Variants in CA10 observed in about 807,000 individuals in gnomAD.
The protein encoded by CA10 is carbonic anhydrase 10 (inactive).
Under a neutral mutation model 44.2 loss-of-function variants are expected in CA10, and 14 were observed. The ratio of observed to expected loss-of-function variants is 0.32; its 90% confidence interval spans 0.21 to 0.50. The LOEUF is 0.50. Ranked by LOEUF, CA10 falls within the 20% of genes least tolerant of loss-of-function variation. The pLI is 0.99. For missense variants in CA10, 350 were observed against 409.7 expected (o/e 0.85, Z 1.26); for synonymous variants, 159 against 141.6 (o/e 1.12, Z -0.87).
chr17:51,706,535 T>G (rs1915767460), intron 4 of CA10, among the ~76,000 whole-genome samples: 1 of 152,240 alleles, frequency 6.6e-6, no homozygotes, highest in South Asian at 2.1e-4. Context: ...TGTAGTGGCC[T>G]CCTAATAGGC....
intron 2 of CA10, among the ~76,000 whole-genome samples, chr17:52,043,289 C>T (rs1029700757): frequency 6.6e-6 from 1 of 151,998 alleles, no homozygotes; most frequent in African/African-American, 2.4e-5. Flanking sequence ...CTTTTATCTC[C>T]TTAGTTAAAT....
intron 4 of CA10, among the ~76,000 whole-genome samples, chr17:51,735,030 C>T (rs1916853067): frequency 6.6e-6 from 1 of 152,224 alleles, no homozygotes. Flanking sequence ...AAGAAAACAG[C>T]ATTAGAAGGG....
At chr17:52,040,179 T>C (rs1986730506) in intron 2 of CA10, among the ~76,000 whole-genome samples, 1 of 149,158 alleles carries the variant, frequency 6.7e-6, no homozygotes, top group African/African-American at 2.5e-5. Context: ...CTCAAGTCAC[T>C]TTCAAAATCA....
chr17:51,988,050 G>A (rs1984906924), intron 2 of CA10, among the ~76,000 whole-genome samples: 1 of 151,990 alleles, frequency 6.6e-6, no homozygotes, highest in Admixed American at 6.6e-5. Context: ...TTATGGGTGG[G>A]TGAAATGAAT....
At chr17:52,146,621 C>T (rs1358663956) in intron 1 of CA10, among the ~76,000 whole-genome samples, 3 of 151,010 alleles carry the variant, frequency 2.0e-5, no homozygotes, top group African/African-American at 4.9e-5. Context: ...ACCCAGGAGG[C>T]GGAGCTTGCA....
At chr17:51,954,247 C>T (rs1041202551) in intron 2 of CA10, among the ~76,000 whole-genome samples, 1 of 152,122 alleles carries the variant, frequency 6.6e-6, no homozygotes, top group African/African-American at 2.4e-5. Context: ...TTCCAATGCT[C>T]CCTCTCCTAA....
chr17:51,980,423 A>T (rs2144086221), intron 2 of CA10, among the ~76,000 whole-genome samples: 1 of 152,116 alleles, frequency 6.6e-6, no homozygotes, highest in Non-Finnish European at 1.5e-5. Flanking sequence ...TTGGGTATTA[A>T]ACCTTTGTCA....
intron 4 of CA10, among the ~76,000 whole-genome samples, chr17:51,727,520 G>T (rs897435286): frequency 5.9e-5 from 9 of 152,076 alleles, no homozygotes; most frequent in Non-Finnish European, 1.2e-4. Flanking sequence ...CACATACAGT[G>T]GCTCATGTGG....
intron 2 of CA10, among the ~76,000 whole-genome samples, chr17:51,988,274 G>A (rs187028059): frequency 6.6e-6 from 1 of 152,024 alleles, no homozygotes; most frequent in African/African-American, 2.4e-5. Flanking sequence ...CAAACTTTGA[G>A]AAACTTATTA....
intron 3 of CA10, among the ~76,000 whole-genome samples, chr17:51,856,129 C>G (rs1324076071): frequency 1.3e-5 from 2 of 152,174 alleles, no homozygotes; most frequent in African/African-American, 4.8e-5. Flanking sequence ...GACCTGTCCC[C>G]TGGACAATCC....
At chr17:51,690,150 G>A (rs1915141513) in intron 4 of CA10, among the ~76,000 whole-genome samples, 1 of 152,134 alleles carries the variant, frequency 6.6e-6, no homozygotes, top group South Asian at 2.1e-4. Flanking sequence ...GTTTTACCAT[G>A]TTGGCCAGGC....
At chr17:51,822,203 C>G (rs543951692) in intron 3 of CA10, among the ~76,000 whole-genome samples, 1 of 152,192 alleles carries the variant, frequency 6.6e-6, no homozygotes, top group East Asian at 1.9e-4. Context: ...GCAGGCAGAT[C>G]ACCTGAGGTC....
intron 2 of CA10, among the ~76,000 whole-genome samples, chr17:52,050,524 C>A (rs1459610507): frequency 6.6e-6 from 1 of 152,100 alleles, no homozygotes; most frequent in Non-Finnish European, 1.5e-5. Context: ...TAATCACTCA[C>A]TACTGAATAA....
intron 4 of CA10, 67 bp from the exon 5 acceptor site, chr17:51,653,803 T>C: frequency 1.1e-6 from 1 of 883,558 alleles, no homozygotes; most frequent in South Asian, 1.3e-5. Context: ...GCATAGCACC[T>C]GCCCCTACAT....
At chr17:51,820,404 T>C (rs1264525005) in intron 3 of CA10, among the ~76,000 whole-genome samples, 124 of 21,494 alleles carry the variant, frequency 5.8e-3, no homozygotes, top group Non-Finnish European at 6.1e-3. Context: ...GGGATTCCCC[T>C]ACCCCCCCCC....
At chr17:51,712,667 A>G (rs927538332) in intron 4 of CA10, among the ~76,000 whole-genome samples, 1 of 152,242 alleles carries the variant, frequency 6.6e-6, no homozygotes, top group African/African-American at 2.4e-5. Flanking sequence ...CACATTGAGA[A>G]TGAGCATCTC....
At chr17:52,038,481 T>C (rs1283589754) in intron 2 of CA10, among the ~76,000 whole-genome samples, 1 of 152,130 alleles carries the variant, frequency 6.6e-6, no homozygotes, top group Non-Finnish European at 1.5e-5. Context: ...TTTTTGGAAT[T>C]AGAATACAGA....
intron 4 of CA10, among the ~76,000 whole-genome samples, chr17:51,663,540 T>C (rs1914089697): frequency 6.6e-6 from 1 of 152,206 alleles, no homozygotes; most frequent in Non-Finnish European, 1.5e-5. Context: ...CTGGTCTTCT[T>C]TGAACTTCAA....
intron 2 of CA10, among the ~76,000 whole-genome samples, chr17:51,990,796 T>A (rs1985012313): frequency 2.0e-5 from 3 of 152,068 alleles, no homozygotes. Flanking sequence ...GGTAGGGAAG[T>A]TCTTTGTACC....
Sources: allele counts gnomAD v4.1 joint callset (sites outside exome capture counted in the v4.1 genomes callset), GRCh38; gene constraint gnomAD v4.1.1; transcripts MANE v1.5; gene names NCBI Gene and HGNC (gene_info 2026-07-23, HGNC 2026-07-21).